TMEM217B: variants seen among roughly 807,000 people sequenced by gnomAD.
TMEM217B encodes the protein putative transmembrane protein 217B.
the TMEM217B span, among the ~76,000 whole-genome samples, chr6:37,215,570 C>CAAAAAAAA: frequency 3.9e-3 from 284 of 72,372 alleles, 12 homozygotes; most frequent in African/African-American, 0.01. Flanking sequence ...GACTCTGTCT[C>CAAAAAAAA]AAAAAAAAAA....
At chr6:37,212,239 C>T in the TMEM217B span, 1 of 342,338 alleles carries the variant, frequency 2.9e-6, no homozygotes, top group South Asian at 2.3e-5. Context: ...TCACACAACA[C>T]ATCTGTAAAA....
At chr6:37,241,811 T>C in the TMEM217B span, among the ~76,000 whole-genome samples, 1 of 152,204 alleles carries the variant, frequency 6.6e-6, no homozygotes, top group African/African-American at 2.4e-5. Flanking sequence ...CCATTAACTT[T>C]TTAAAAAAGT....
At chr6:37,214,885 G>A in the TMEM217B span, among the ~76,000 whole-genome samples, 6 of 152,098 alleles carry the variant, frequency 3.9e-5, no homozygotes, top group African/African-American at 9.7e-5. Context: ...ATGCTTCCCC[G>A]TCTGCACCAA....
chr6:37,227,064 A>G, the TMEM217B span, among the ~76,000 whole-genome samples: 1 of 152,204 alleles, frequency 6.6e-6, no homozygotes, highest in African/African-American at 2.4e-5. Context: ...ACAGCAGCAA[A>G]ATTAGGATTT....
chr6:37,248,304 G>A, the TMEM217B span, among the ~76,000 whole-genome samples: 2 of 152,148 alleles, frequency 1.3e-5, no homozygotes, highest in Non-Finnish European at 2.9e-5. Flanking sequence ...GAATACAGTA[G>A]ATGCTCAATA....
At chr6:37,215,365 A>G in the TMEM217B span, 1 of 1,476,540 alleles carries the variant, frequency 6.8e-7, no homozygotes, top group African/African-American at 1.4e-5. Context: ...TCACGAGGTC[A>G]GGAGTTCAAG....
At chr6:37,215,119 G>A in the TMEM217B span, 2 of 1,573,830 alleles carry the variant, frequency 1.3e-6, no homozygotes, top group African/African-American at 1.4e-5. Flanking sequence ...TCTCTCTTGG[G>A]TCACTATAAT....
the TMEM217B span, chr6:37,212,759 C>T: frequency 3.6e-3 from 2,503 of 693,352 alleles, 51 homozygotes; most frequent in African/African-American, 0.039. Context: ...AGGAAGCAGC[C>T]GATGATGATG....
At chr6:37,251,850 T>C in the TMEM217B span, among the ~76,000 whole-genome samples, 1 of 152,222 alleles carries the variant, frequency 6.6e-6, no homozygotes, top group South Asian at 2.1e-4. Context: ...CCAAATCTGG[T>C]ATGCTATTTT....
the TMEM217B span, among the ~76,000 whole-genome samples, chr6:37,230,543 A>G: frequency 2.0e-5 from 3 of 152,194 alleles, no homozygotes; most frequent in Non-Finnish European, 4.4e-5. Context: ...AGAAGAGAAG[A>G]TTAGGACACA....
the TMEM217B span, among the ~76,000 whole-genome samples, chr6:37,234,688 A>G: frequency 2.5e-4 from 38 of 152,244 alleles, no homozygotes; most frequent in African/African-American, 8.7e-4. Context: ...CTGAGCCGAG[A>G]TGGTGCCACT....
At chr6:37,245,802 TTC>T in the TMEM217B span, among the ~76,000 whole-genome samples, 8,056 of 40,752 alleles carry the variant, frequency 0.2, 695 homozygotes, top group African/African-American at 0.48. Flanking sequence ...CTTTCTTTCT[TTC>T]TTTTTTTTTT....
At chr6:37,223,421 A>G in the TMEM217B span, among the ~76,000 whole-genome samples, 469 of 152,368 alleles carry the variant, frequency 3.1e-3, 4 homozygotes, top group African/African-American at 0.011. Flanking sequence ...GGAAACAAAA[A>G]TCCCATGGAA....
At chr6:37,218,208 C>A in the TMEM217B span, 1 of 1,259,108 alleles carries the variant, frequency 7.9e-7, no homozygotes. Context: ...CTTACTCTGT[C>A]ACTCAGGCTG....
At chr6:37,245,804 C>CT in the TMEM217B span, among the ~76,000 whole-genome samples, 32 of 143,710 alleles carry the variant, frequency 2.2e-4, no homozygotes, top group East Asian at 3.0e-3. Context: ...TTCTTTCTTT[C>CT]TTTTTTTTTT....
At chr6:37,213,065 C>A in the TMEM217B span, 2 of 1,040,216 alleles carry the variant, frequency 1.9e-6, no homozygotes, top group South Asian at 1.6e-5. Context: ...TCCCCCAAGT[C>A]ACTAGATATA....
the TMEM217B span, among the ~76,000 whole-genome samples, chr6:37,219,747 A>G: frequency 6.6e-6 from 1 of 151,996 alleles, no homozygotes; most frequent in African/African-American, 2.4e-5. Context: ...AAAAAAAATT[A>G]TGCTGTTAAC....
At chr6:37,215,728 C>T in the TMEM217B span, among the ~76,000 whole-genome samples, 1 of 151,988 alleles carries the variant, frequency 6.6e-6, no homozygotes, top group Non-Finnish European at 1.5e-5. Context: ...GGGAGGCTTT[C>T]TGGAGTAGGC....
chr6:37,230,839 AC>A, the TMEM217B span, among the ~76,000 whole-genome samples: 1 of 152,142 alleles, frequency 6.6e-6, no homozygotes, highest in African/African-American at 2.4e-5. Flanking sequence ...CCTCTCTACC[AC>A]TGGGCAGTTG....
Sources: gnomAD v4.1 joint callset for allele counts (sites outside exome capture counted in the v4.1 genomes callset) on GRCh38, gnomAD v4.1.1 for gene constraint, MANE v1.5 for transcripts, NCBI Gene and HGNC (gene_info 2026-07-23, HGNC 2026-07-21) for gene names.